SDK1: variants seen among roughly 807,000 people sequenced by gnomAD.
SDK1 encodes protein sidekick-1.
A neutral mutation model predicts 245.5 loss-of-function variants in SDK1; 157 were observed. The ratio of observed to expected loss-of-function variants is 0.64; its 90% CI spans 0.56 to 0.73. The LOEUF is 0.73. SDK1 is among the 30% of genes least tolerant of loss of function. The pLI is 0.00. For missense variants in SDK1, 3,583 were observed against 3,002.3 expected (o/e 1.19, Z -4.52); for synonymous variants, 1,647 against 1,278.5 (o/e 1.29, Z -6.15).
intron 19 of SDK1, among the ~76,000 whole-genome samples, chr7:4,062,452 A>G (rs1401861591): frequency 6.6e-6 from 1 of 152,198 alleles, no homozygotes; most frequent in Non-Finnish European, 1.5e-5. Context: ...GGGTAATGAG[A>G]TTGAGTCAGT....
rs150058388 is a variant in SDK1, at chr7:3,845,080, G to A, written c.847+23497G>A. Among the ~76,000 whole-genome samples, 43 of 152,280 alleles carry A rather than the reference G, an allele frequency of 2.8e-4. No homozygotes were observed. In the Middle Eastern group the frequency reaches 0.01, roughly 36 times the overall value. On this transcript the variant is annotated intron_variant, in intron 5 of 44. Coordinates refer to ENST00000404826, the MANE Select transcript of SDK1 (RefSeq NM_152744.4). The stretch of plus-strand genomic sequence containing the variant: ...GTCAGCTGCCCAAAGGTGCAGCTTC[G>A]GAGAGCGGAGGTCGCGAGAGCCAGG...
intron 28 of SDK1, among the ~76,000 whole-genome samples, chr7:4,142,108 G>C (rs1244320272): frequency 2.0e-5 from 3 of 152,164 alleles, no homozygotes; most frequent in Admixed American, 6.5e-5. Flanking sequence ...AGCCACTTGT[G>C]CAAAATCAGT....
chr7:4,066,820 G>C (rs557921323), intron 19 of SDK1, among the ~76,000 whole-genome samples: 1 of 152,228 alleles, frequency 6.6e-6, no homozygotes, highest in East Asian at 1.9e-4. Flanking sequence ...GTCGCAGGCA[G>C]GTGGTCCATC....
intron 5 of SDK1, among the ~76,000 whole-genome samples, chr7:3,839,257 C>G (rs1049421255): frequency 2.6e-5 from 4 of 152,152 alleles, no homozygotes; most frequent in Admixed American, 2.0e-4. Flanking sequence ...CTGTAGAACC[C>G]TTTGCTTTCC....
At chr7:3,321,459 C>A (rs2128547322) in intron 1 of SDK1, among the ~76,000 whole-genome samples, 2 of 152,234 alleles carry the variant, frequency 1.3e-5, no homozygotes, top group African/African-American at 4.8e-5. Context: ...TATGTCAGAA[C>A]CTGGCTTCCT....
chr7:3,722,029 CTT>C (rs1778827142), intron 4 of SDK1, among the ~76,000 whole-genome samples: 1 of 151,958 alleles, frequency 6.6e-6, no homozygotes, highest in Admixed American at 6.6e-5. Context: ...GCCTTGACCT[CTT>C]GTTTTTTTTG....
chr7:3,816,623 G>C lies in SDK1; in HGVS notation c.714-4827G>C, dbSNP rs553666420. 2.6e-4 allele frequency among the ~76,000 whole-genome samples: 39 copies of C among 152,068 alleles called. No individual in the cohort carries two copies. The South Asian group carries it at 7.7e-3, about 30-fold the overall frequency. ...TAATCAATAGTTTACCAACCAAAAA[G>C]AGTCCAGGACCAGATGGATTCACAG... On this transcript the variant is annotated intron_variant, in intron 4 of 44. Transcript: ENST00000404826.
intron 1 of SDK1, among the ~76,000 whole-genome samples, chr7:3,439,626 A>AC (rs1780135353): frequency 6.6e-6 from 1 of 152,228 alleles, no homozygotes; most frequent in African/African-American, 2.4e-5. Flanking sequence ...TTCTAATGGG[A>AC]TTTAAAAAGT....
At chr7:3,601,608 T>C (rs1006440010) in intron 1 of SDK1, among the ~76,000 whole-genome samples, 1 of 151,936 alleles carries the variant, frequency 6.6e-6, no homozygotes, top group Admixed American at 6.5e-5. Flanking sequence ...TTTATTTTAG[T>C]CTTGCTAGAG....
rs565010755 is a variant in SDK1, at chr7:4,257,393, A to G, written c.6382-7731A>G. Among the ~76,000 whole-genome samples, 16 of 152,330 alleles carry G rather than the reference A, an allele frequency of 1.1e-4. No homozygotes were observed. In the East Asian group the frequency reaches 1.9e-3, roughly 18 times the overall value. On this transcript the variant is annotated intron_variant, in intron 44 of 44. Transcript: ENST00000404826. ...TTCACATCACACAGGAAACTTACCA[A>G]AAACAGACTCTGCAGCATTTCCATT...
intron 35 of SDK1, among the ~76,000 whole-genome samples, chr7:4,202,966 A>G (rs1387258909): frequency 2.0e-5 from 3 of 152,194 alleles, no homozygotes; most frequent in Non-Finnish European, 4.4e-5. Flanking sequence ...AGACTAAGTC[A>G]GGGCAGCCAC....
At chr7:3,679,560 C>G (rs963138035) in intron 4 of SDK1, among the ~76,000 whole-genome samples, 1 of 151,184 alleles carries the variant, frequency 6.6e-6, no homozygotes, top group African/African-American at 2.4e-5. Context: ...GAGCGAGACT[C>G]CATCTCAAAA....
chr7:3,612,631 A>G (rs551903888), intron 1 of SDK1, among the ~76,000 whole-genome samples: 2 of 152,346 alleles, frequency 1.3e-5, no homozygotes, highest in Admixed American at 6.5e-5. Context: ...TGGTAAATTC[A>G]TAAGCTTGGG....
At chr7:3,783,046 C>T (rs1036485641) in intron 4 of SDK1, among the ~76,000 whole-genome samples, 3 of 151,908 alleles carry the variant, frequency 2.0e-5, no homozygotes, top group Non-Finnish European at 2.9e-5. Context: ...ATTTATTCTT[C>T]GATACAAGGA....
chr7:3,687,809 G>T (rs2114991947), intron 4 of SDK1, among the ~76,000 whole-genome samples: 1 of 152,242 alleles, frequency 6.6e-6, no homozygotes, highest in Admixed American at 6.5e-5. Flanking sequence ...TCTTGACTGT[G>T]TTAATGTCGT....
intron 14 of SDK1, among the ~76,000 whole-genome samples, chr7:4,009,769 C>G (rs1173948737): frequency 1.3e-5 from 2 of 152,254 alleles, no homozygotes; most frequent in African/African-American, 4.8e-5. Flanking sequence ...TAGTGATAGA[C>G]ACCTCTGTGT....
At chr7:3,437,703 C>T (rs1030643492) in intron 1 of SDK1, among the ~76,000 whole-genome samples, 22 of 152,136 alleles carry the variant, frequency 1.4e-4, no homozygotes, top group African/African-American at 4.1e-4. Context: ...GAGCTGTGAT[C>T]GTGCCACTGC....
At chr7:3,631,584 A>G (rs1782289243) in intron 2 of SDK1, among the ~76,000 whole-genome samples, 1 of 152,194 alleles carries the variant, frequency 6.6e-6, no homozygotes, top group African/African-American at 2.4e-5. Flanking sequence ...GTGTGACCTC[A>G]TGTTCATATT....
intron 5 of SDK1, among the ~76,000 whole-genome samples, chr7:3,854,541 G>A (rs988700292): frequency 1.3e-5 from 2 of 152,086 alleles, no homozygotes; most frequent in Admixed American, 6.5e-5. Flanking sequence ...ACCATATTCC[G>A]TAATGCCAAC....
Sources: allele counts gnomAD v4.1 joint callset (sites outside exome capture counted in the v4.1 genomes callset), GRCh38; gene constraint gnomAD v4.1.1; transcripts MANE v1.5; gene names NCBI Gene and HGNC (gene_info 2026-07-23, HGNC 2026-07-21).